Variants in PTPRD observed in about 807,000 individuals in gnomAD.
PTPRD encodes the protein protein tyrosine phosphatase receptor type D, also known as receptor-type tyrosine-protein phosphatase delta.
A neutral mutation model predicts 214.5 loss-of-function variants in PTPRD; 34 were observed. The observed-to-expected ratio is 0.16, with a 90% CI of 0.12 to 0.21. The LOEUF (loss-of-function observed/expected upper bound fraction) is 0.21, where lower values mean the gene tolerates loss of function less well. Ranked by LOEUF, PTPRD falls within the 10% of genes least tolerant of loss-of-function variation. The probability of loss-of-function intolerance (pLI) is 1.00; values close to 1 mark genes in which losing one functional copy is unlikely to be tolerated. For missense variants in PTPRD, 2,545 were observed against 2,398.7 expected (o/e 1.06, Z -1.27); for synonymous variants, 1,128 against 845.7 (o/e 1.33, Z -5.79).
chr9:8,667,200 G>A (rs867076853), intron 12 of PTPRD, among the ~76,000 whole-genome samples: 2 of 152,120 alleles, frequency 1.3e-5, no homozygotes, highest in Admixed American at 1.3e-4. Context: ...TTAGCTGGGC[G>A]TTGTGGTGGG....
intron 8 of PTPRD, among the ~76,000 whole-genome samples, chr9:9,467,449 G>T (rs1346682733): frequency 3.3e-5 from 5 of 150,542 alleles, no homozygotes; most frequent in Non-Finnish European, 7.4e-5. Context: ...TAGCAAGGCG[G>T]GGTGGCAGGC....
rs545623221 is a variant in PTPRD at position 9,404,273 on chromosome 9, A to G, written c.-236-6791T>C. On this transcript the variant is annotated intron_variant, in intron 8 of 45. Transcript: ENST00000381196. ...AAACATGCCTCCGGCTACTCTGTAG[A>G]AAACTGAAAGCCAAGGAAGGAGCAA... Among the ~76,000 whole-genome samples the G allele has an allele frequency of 7.9e-5, 12 of 152,224 alleles. No homozygotes were observed. In the East Asian group the frequency reaches 2.3e-3, roughly 30 times the overall value.
At chr9:10,003,733 C>G (rs2096394312) in intron 4 of PTPRD, among the ~76,000 whole-genome samples, 1 of 151,492 alleles carries the variant, frequency 6.6e-6, no homozygotes, top group African/African-American at 2.4e-5. Context: ...TTTGTGAATA[C>G]TATTTTAAGT....
intron 9 of PTPRD, among the ~76,000 whole-genome samples, chr9:9,256,252 T>A (rs1389619976): frequency 6.6e-6 from 1 of 151,970 alleles, no homozygotes; most frequent in East Asian, 1.9e-4. Flanking sequence ...AAAGGAAAGA[T>A]CTCAAGGCTT....
intron 10 of PTPRD, among the ~76,000 whole-genome samples, chr9:9,152,516 T>C (rs1228528190): frequency 6.6e-6 from 1 of 152,124 alleles, no homozygotes; most frequent in African/African-American, 2.4e-5. Flanking sequence ...TATACAAGAT[T>C]AATGGTAAAG....
In PTPRD at chr9:8,741,725, G is replaced by A. The variant is rs149917815; in HGVS notation, c.-103-7779C>T. Reference sequence around the variant, plus strand: ...CCTGCCTCAGCCTCCTGAGTAGCTGGGACTACAGGCACACATCACCATGCC... The same window carrying A: ...CCTGCCTCAGCCTCCTGAGTAGCTGAGACTACAGGCACACATCACCATGCC... On this transcript the variant is annotated intron_variant, in intron 11 of 45. Transcript: ENST00000381196. 2.6e-3 allele frequency among the ~76,000 whole-genome samples: 393 copies of A among 151,248 alleles called. 2 individuals are homozygous for A. Among genetic ancestry groups the A allele is most frequent in the African/African-American group, 8.9e-3 (366 of 41,162 alleles).
At chr9:9,819,279 A>C (rs972876158) in intron 5 of PTPRD, among the ~76,000 whole-genome samples, 4 of 152,106 alleles carry the variant, frequency 2.6e-5, no homozygotes, top group Non-Finnish European at 5.9e-5. Flanking sequence ...ATAACGATTT[A>C]TTACAGGTCT....
intron 7 of PTPRD, among the ~76,000 whole-genome samples, chr9:9,707,740 TTTATC>T (rs959590119): frequency 3.3e-5 from 5 of 152,136 alleles, no homozygotes; most frequent in Admixed American, 6.6e-5. Flanking sequence ...ATCATGTACG[TTTATC>T]TTATTTTTGA....
chr9:9,100,086 A>C (rs934790917), intron 10 of PTPRD, among the ~76,000 whole-genome samples: 6 of 152,188 alleles, frequency 3.9e-5, no homozygotes, highest in African/African-American at 1.4e-4. Context: ...AAGAATATAA[A>C]AATTCAGAAA....
intron 35 of PTPRD, among the ~76,000 whole-genome samples, chr9:8,422,004 A>T (rs1215286478): frequency 6.6e-6 from 1 of 151,682 alleles, no homozygotes; most frequent in Non-Finnish European, 1.5e-5. Flanking sequence ...AAAGTTAGCC[A>T]GTGGGGTGGT....
intron 5 of PTPRD, among the ~76,000 whole-genome samples, chr9:9,814,816 T>TTTTC (rs1555151920): frequency 8.1e-6 from 1 of 122,836 alleles, no homozygotes; most frequent in Admixed American, 8.3e-5. Context: ...TTTTTTTTTT[T>TTTTC]CGATACAGAA....
At chr9:8,592,628 C>T (rs1470732143) in intron 14 of PTPRD, among the ~76,000 whole-genome samples, 35 of 152,118 alleles carry the variant, frequency 2.3e-4, no homozygotes, top group Admixed American at 2.3e-3. Flanking sequence ...AGCAGGCTTC[C>T]TGATGTCTTT....
intron 3 of PTPRD, among the ~76,000 whole-genome samples, chr9:10,294,994 T>C (rs915091803): frequency 6.6e-6 from 1 of 152,120 alleles, no homozygotes; most frequent in Non-Finnish European, 1.5e-5. Flanking sequence ...CAGATGGATT[T>C]TTCTCAATAC....
intron 10 of PTPRD, among the ~76,000 whole-genome samples, chr9:9,077,037 T>G (rs994686430): frequency 2.4e-4 from 36 of 152,098 alleles, no homozygotes; most frequent in African/African-American, 8.2e-4. Context: ...TTGATTTGCA[T>G]TTCTCTGATG....
chr9:8,348,769 T>A (rs772718399), intron 39 of PTPRD, among the ~76,000 whole-genome samples: 2 of 152,186 alleles, frequency 1.3e-5, no homozygotes, highest in Non-Finnish European at 2.9e-5. Context: ...ACCTTCTACC[T>A]CCTTCTCATC....
intron 14 of PTPRD, among the ~76,000 whole-genome samples, chr9:8,594,087 C>G (rs1329277000): frequency 6.6e-6 from 1 of 152,150 alleles, no homozygotes; most frequent in African/African-American, 2.4e-5. Flanking sequence ...ATATATAATG[C>G]CCAGTAATTT....
At chr9:9,582,384 T>C (rs1757055211) in intron 7 of PTPRD, among the ~76,000 whole-genome samples, 1 of 152,012 alleles carries the variant, frequency 6.6e-6, no homozygotes. Context: ...CAGTCATATA[T>C]CATAAGAGGC....
intron 2 of PTPRD, among the ~76,000 whole-genome samples, chr9:10,494,564 T>A (rs1365176803): frequency 6.6e-6 from 1 of 151,348 alleles, no homozygotes; most frequent in Non-Finnish European, 1.5e-5. Context: ...TTATAATTTT[T>A]TTGTTTTGTT....
At chr9:8,359,664 GATT>G (rs2077967791) in intron 39 of PTPRD, among the ~76,000 whole-genome samples, 1 of 152,080 alleles carries the variant, frequency 6.6e-6, no homozygotes. Context: ...GCCCCTAGGT[GATT>G]CTGGTGCTTG....
Sources: gnomAD v4.1 joint callset for allele counts (sites outside exome capture counted in the v4.1 genomes callset) on GRCh38, gnomAD v4.1.1 for gene constraint, MANE v1.5 for transcripts, NCBI Gene and HGNC (gene_info 2026-07-23, HGNC 2026-07-21) for gene names.